DENND4C: variants seen among roughly 807,000 people sequenced by gnomAD.
DENND4C encodes the protein DENN domain-containing protein 4C.
A neutral mutation model predicts 203.0 loss-of-function variants in DENND4C; 108 were observed. The ratio of observed to expected loss-of-function variants is 0.53; its 90% CI spans 0.46 to 0.62. The LOEUF (loss-of-function observed/expected upper bound fraction) is 0.62, where lower values mean the gene tolerates loss of function less well. Among genes scored for constraint, DENND4C ranks in the 20% least tolerant of loss-of-function variants. The pLI is 0.00. For missense variants in DENND4C, 2,481 were observed against 2,301.2 expected (o/e 1.08, Z -1.60); for synonymous variants, 871 against 792.4 (o/e 1.10, Z -1.67).
At chr9:19,286,018 T>G (rs1835145008) in intron 2 of DENND4C, among the ~76,000 whole-genome samples, 1 of 152,212 alleles carries the variant, frequency 6.6e-6, no homozygotes. Flanking sequence ...TTTTCCAGAT[T>G]GCTTTGACAA....
chr9:19,246,663 C>T (rs1352996957), intron 1 of DENND4C, among the ~76,000 whole-genome samples: 1 of 151,502 alleles, frequency 6.6e-6, no homozygotes, highest in African/African-American at 2.4e-5. Flanking sequence ...CTATGTTCAT[C>T]TATGTTGTGA....
intron 2 of DENND4C, among the ~76,000 whole-genome samples, chr9:19,283,444 G>A (rs922455745): frequency 1.3e-5 from 2 of 151,974 alleles, no homozygotes; most frequent in Non-Finnish European, 2.9e-5. Flanking sequence ...GTATAGTATT[G>A]TAAATACTAG....
rs1035403595 is a variant in DENND4C, at chr9:19,295,389, C to T, written c.802-619C>T. Among the ~76,000 whole-genome samples the T allele has an allele frequency of 4.6e-5, 7 of 152,100 alleles. No homozygotes were observed. The East Asian group carries it at 1.4e-3, about 29-fold the overall frequency. On this transcript the variant is annotated intron_variant, in intron 5 of 32. Coordinates refer to ENST00000434457, the MANE Select transcript of DENND4C (RefSeq NM_001330640.2). Reference sequence around the variant, plus strand: ...GTGTGGTGGTGGGCGCCTATAGTCCCAGTTACTTGGGAGGCTGAGTCAGGA... The same window carrying T: ...GTGTGGTGGTGGGCGCCTATAGTCCTAGTTACTTGGGAGGCTGAGTCAGGA...
At chr9:19,248,426 G>T (rs185179262) in intron 1 of DENND4C, among the ~76,000 whole-genome samples, 1 of 151,594 alleles carries the variant, frequency 6.6e-6, no homozygotes, top group East Asian at 1.9e-4. Context: ...TCTTACTCTT[G>T]TTGCCCAGGC....
At chr9:19,279,851 A>G (rs4977527) in intron 2 of DENND4C, among the ~76,000 whole-genome samples, 35,987 of 151,850 alleles carry the variant, frequency 0.24, 4,443 homozygotes, top group East Asian at 0.44. Flanking sequence ...AGAAAAAAAA[A>G]TCTATTTTTA....
At chr9:19,352,791 T>G in intron 26 of DENND4C, 126 bp downstream of exon 26, 1 of 634,374 alleles carries the variant, frequency 1.6e-6, no homozygotes, top group Non-Finnish European at 2.5e-6. Context: ...CTTCAGTATT[T>G]GAGTAGCAAA....
intron 21 of DENND4C, among the ~76,000 whole-genome samples, chr9:19,342,011 G>A (rs1821761258): frequency 6.6e-6 from 1 of 151,540 alleles, no homozygotes; most frequent in Admixed American, 6.6e-5. Flanking sequence ...GTAATCCCAG[G>A]TACTGGGGAG....
intron 2 of DENND4C, among the ~76,000 whole-genome samples, chr9:19,281,275 T>C (rs1011796199): frequency 6.6e-6 from 1 of 152,208 alleles, no homozygotes; most frequent in Non-Finnish European, 1.5e-5. Flanking sequence ...TTGATACAGA[T>C]TTGCTAGAGT....
At chr9:19,241,280 T>G (rs1004613457) in intron 1 of DENND4C, among the ~76,000 whole-genome samples, 2 of 152,242 alleles carry the variant, frequency 1.3e-5, no homozygotes, top group Non-Finnish European at 2.9e-5. Flanking sequence ...TTTGTTGTTT[T>G]TTGACTCTCG....
At chr9:19,292,610 A>G (rs939908015) in intron 5 of DENND4C, 5 of 151,444 alleles carry the variant, frequency 3.3e-5, no homozygotes, top group Non-Finnish European at 7.4e-5. Context: ...CAATGGCACA[A>G]TCTGGGCTCA....
chr9:19,240,960 AACAGAAC>A (rs1436459799), intron 1 of DENND4C, among the ~76,000 whole-genome samples: 1 of 152,156 alleles, frequency 6.6e-6, no homozygotes, highest in African/African-American at 2.4e-5. Context: ...GACAGAACAC[AACAGAAC>A]ACAGAACAGA....
chr9:19,353,110 A>G (rs561399425), intron 26 of DENND4C, among the ~76,000 whole-genome samples: 44 of 152,284 alleles, frequency 2.9e-4, no homozygotes, highest in Admixed American at 2.5e-3. Context: ...ACAAAGGGGA[A>G]AAAAAGGCTT....
chr9:19,350,153 A>G (rs1436199596), intron 23 of DENND4C, among the ~76,000 whole-genome samples: 1 of 152,210 alleles, frequency 6.6e-6, no homozygotes, highest in Non-Finnish European at 1.5e-5. Context: ...AACTTTATTC[A>G]TGTTTCTTGG....
At chr9:19,367,598 G>A (rs1294299429) in intron 30 of DENND4C, among the ~76,000 whole-genome samples, 2 of 152,232 alleles carry the variant, frequency 1.3e-5, no homozygotes, top group African/African-American at 2.4e-5. Flanking sequence ...AATTAGCTGG[G>A]CGTGGTGGCA....
rs141332059 is a variant in DENND4C at position 19,341,014 on chromosome 9, C to T, written c.2904C>T (p.Tyr968=). 4.7e-4 allele frequency: 761 copies of T among 1,609,496 alleles called. 1 individual carries two copies. Among genetic ancestry groups the T allele is most frequent in the Non-Finnish European group, 5.8e-4 (688 of 1,178,000 alleles). Residue 968 remains tyrosine (Y), a synonymous_variant, in exon 21 of 33, where the codon TAC becomes TAT. Coordinates refer to ENST00000434457, the MANE Select transcript of DENND4C (RefSeq NM_001330640.2). ...SSTGGQSDQG[Y]GSKDELIKDD... ...CAGGTGGTCAGTCTGACCAAGGATA[C>T]GGGTCTAAGGATGAACTTATAAAGG...
At chr9:19,234,127 A>G (rs1361715957) in intron 1 of DENND4C, among the ~76,000 whole-genome samples, 1 of 152,056 alleles carries the variant, frequency 6.6e-6, no homozygotes, top group Non-Finnish European at 1.5e-5. Context: ...CTGTTATTTT[A>G]TGGCTTTTAA....
chr9:19,327,470 A>G (rs555498468), intron 15 of DENND4C, among the ~76,000 whole-genome samples: 32 of 152,126 alleles, frequency 2.1e-4, no homozygotes, highest in African/African-American at 7.7e-4. Flanking sequence ...GGACCTAGCA[A>G]ATTCTATTAT....
intron 22 of DENND4C, among the ~76,000 whole-genome samples, chr9:19,344,839 T>A (rs1216664018): frequency 6.6e-6 from 1 of 152,102 alleles, no homozygotes; most frequent in African/African-American, 2.4e-5. Flanking sequence ...GAAAGAAATT[T>A]ATTTCTTATA....
intron 12 of DENND4C, among the ~76,000 whole-genome samples, chr9:19,320,594 T>C (rs1403666007): frequency 2.0e-5 from 3 of 152,230 alleles, no homozygotes; most frequent in African/African-American, 4.8e-5. Context: ...AAGGTAGTGG[T>C]TACTGAATTA....
Sources: allele counts gnomAD v4.1 joint callset (sites outside exome capture counted in the v4.1 genomes callset), GRCh38; gene constraint gnomAD v4.1.1; transcripts MANE v1.5; gene names NCBI Gene and HGNC (gene_info 2026-07-23, HGNC 2026-07-21).